Variants in LETMD1 observed in about 807,000 individuals in gnomAD.
LETMD1 encodes the protein LETM1 domain-containing protein 1.
A neutral mutation model predicts 43.9 loss-of-function variants in LETMD1; 30 were observed. The observed-to-expected ratio is 0.68, with a 90% CI of 0.51 to 0.93. LETMD1 has a LOEUF of 0.93. Among genes scored for constraint, LETMD1 ranks in the 40% least tolerant of loss-of-function variants. The pLI, the probability that LETMD1 is intolerant of heterozygous loss-of-function variation, is 0.00. For synonymous variants in LETMD1, 176 were observed against 163.1 expected (o/e 1.08, Z -0.60); for missense variants, 413 against 447.7 (o/e 0.92, Z 0.70).
chr12:51,063,790 G>A (rs200273456), downstream of LETMD1: 14 of 1,596,436 alleles, frequency 8.8e-6, no homozygotes, highest in African/African-American at 4.0e-5. Flanking sequence ...TCAGGGGGCC[G>A]ATCCTCATTC....
intron 7 of LETMD1, 195 bp from the exon 8 acceptor site, chr12:51,057,837 G>A: frequency 1.6e-6 from 1 of 618,632 alleles, no homozygotes; most frequent in South Asian, 1.7e-5. Context: ...ATATTGGCCA[G>A]GCTGGTCTCC....
At chr12:51,048,996 G>C in intron 1 of LETMD1, 38 bp from the exon 2 acceptor site, 1 of 1,597,752 alleles carries the variant, frequency 6.3e-7, no homozygotes, top group African/African-American at 1.3e-5. Context: ...GAGCTTCTAG[G>C]ACTGATTCCC....
chr12:51,059,268 C>CACTT (rs1948580508), intron 8 of LETMD1, 93 bp from the exon 9 acceptor site: 3 of 1,061,700 alleles, frequency 2.8e-6, no homozygotes, highest in Non-Finnish European at 4.4e-6. Context: ...CCCCTCCCTG[C>CACTT]ACTTGGCTTC....
At chr12:51,051,222 G>A (rs1327396186) in intron 2 of LETMD1, among the ~76,000 whole-genome samples, 1 of 151,016 alleles carries the variant, frequency 6.6e-6, no homozygotes, top group Non-Finnish European at 1.5e-5. Context: ...TGGCCAACAT[G>A]GTGAAACCCA....
rs543866730 is a variant in LETMD1 at position 51,051,941 on chromosome 12, C to G, written c.275-151C>G. On this transcript the variant is annotated intron_variant, in intron 2 of 8. Coordinates refer to ENST00000262055, the MANE Select transcript of LETMD1 (RefSeq NM_015416.5). The stretch of plus-strand genomic sequence containing the variant: ...GTTGAGAAAAGAGATTCGAGTTGAC[C>G]TCAGGAGTTTCAAGTTACCTAGTTT... The G allele has an allele frequency of 6.0e-5, 35 of 585,030 alleles. No individual in the cohort carries two copies. In the African/African-American group the frequency reaches 6.3e-4, roughly 10 times the overall value. 36.2% of individuals were successfully genotyped at this position (585,030 alleles called of 1,614,324 possible). A position where few individuals can be genotyped will look rare whatever the true frequency, so the allele number is the denominator to read the frequency against.
chr12:51,065,540 G>C, the LETMD1 span, among the ~76,000 whole-genome samples: 5 of 151,996 alleles, frequency 3.3e-5, no homozygotes, highest in Non-Finnish European at 7.4e-5. Context: ...CTGTCGTCCA[G>C]GCTGGAGTGC....
intron 3 of LETMD1, 141 bp downstream of exon 3, chr12:51,052,348 A>G (rs1249104434): frequency 1.1e-5 from 10 of 886,256 alleles, no homozygotes; most frequent in Non-Finnish European, 1.7e-5. Flanking sequence ...ATTGAACTGA[A>G]TGAGGCATCA....
At position 51,048,396 on chromosome 12, in the gene LETMD1, T is replaced by TG. The variant is rs1219671830; in HGVS notation, c.44dup (p.Ser16LeufsTer53). The TG allele has an allele frequency of 6.2e-7, 1 of 1,613,986 alleles. No homozygotes were observed. The highest frequency in any genetic ancestry group is 8.5e-7 in the Non-Finnish European group (1 of 1,180,022). On this transcript the variant is annotated frameshift_variant, in exon 1 of 9. Transcript: ENST00000262055. LOFTEE classifies it high-confidence loss of function. ...GGTGTGCTGGGCTCGGTCGGCTGTG[T>TG]GGGGCTCGGCAGTCACCCCTGGACA...
Sources: allele counts gnomAD v4.1 joint callset (sites outside exome capture counted in the v4.1 genomes callset), GRCh38; gene constraint gnomAD v4.1.1; transcripts MANE v1.5; gene names NCBI Gene and HGNC (gene_info 2026-07-23, HGNC 2026-07-21).